The following TTLL5 variants were observed in gnomAD, a reference collection of about 807,000 sequenced individuals.
TTLL5 encodes tubulin polyglutamylase TTLL5.
Under a neutral mutation model 168.4 loss-of-function variants are expected in TTLL5, and 132 were observed. The ratio of observed to expected loss-of-function variants is 0.78; its 90% CI spans 0.68 to 0.91. TTLL5 has a LOEUF of 0.91. Among genes scored for constraint, TTLL5 ranks in the 40% least tolerant of loss-of-function variants. The probability of loss-of-function intolerance (pLI) is 0.00; values close to 1 mark genes in which losing one functional copy is unlikely to be tolerated. For missense variants in TTLL5, 1,545 were observed against 1,581.5 expected, an observed-to-expected ratio of 0.98 and a Z score of 0.39; for synonymous variants, 546 against 558.6, an observed-to-expected ratio of 0.98 and a Z score of 0.32.
chr14:75,839,767 T>G (rs1031689374), intron 28 of TTLL5, among the ~76,000 whole-genome samples: 3 of 152,256 alleles, frequency 2.0e-5, no homozygotes, highest in Non-Finnish European at 4.4e-5. Context: ...ATCACCATCC[T>G]AACGGGTGTG....
At chr14:75,712,501 C>CAAA (rs56076842) in intron 9 of TTLL5, 7 of 89,522 alleles carry the variant, frequency 7.8e-5, no homozygotes, top group African/African-American at 1.1e-4. Context: ...AACAGCAGGA[C>CAAA]AAAAAAAAAA....
At chr14:75,675,145 A>G (rs1566809747) in intron 3 of TTLL5, among the ~76,000 whole-genome samples, 1 of 152,360 alleles carries the variant, frequency 6.6e-6, no homozygotes, top group East Asian at 1.9e-4. Flanking sequence ...ATTTAAATTA[A>G]CTAAAGTTAA....
At chr14:75,783,036 T>A in intron 25 of TTLL5, 111 bp from the exon 26 acceptor site, 1 of 1,228,996 alleles carries the variant, frequency 8.1e-7, no homozygotes, top group Non-Finnish European at 1.1e-6. Flanking sequence ...TCATGATTTC[T>A]GTTTCATGCC....
intron 31 of TTLL5, among the ~76,000 whole-genome samples, chr14:75,925,148 C>A (rs1317789581): frequency 6.8e-6 from 1 of 148,000 alleles, no homozygotes; most frequent in East Asian, 2.1e-4. Flanking sequence ...CTGACCCCCC[C>A]ACCTCCCTCC....
At position 75,761,669 on chromosome 14, in the gene TTLL5, C is replaced by T. The variant is rs77106829; in HGVS notation, c.1551-2946C>T. Among the ~76,000 whole-genome samples, 1,446 of 152,226 alleles carry T rather than the reference C, an allele frequency of 9.5e-3. 27 individuals are homozygous for T. Among genetic ancestry groups the T allele is most frequent in the African/African-American group, 0.033 (1,378 of 41,532 alleles). Reference sequence around the variant, plus strand: ...ATGAAAAATTTACAACAGTGATTGCCTTTAGGACGTTAGGGAAGGATTGAC... The same window carrying T: ...ATGAAAAATTTACAACAGTGATTGCTTTTAGGACGTTAGGGAAGGATTGAC... On this transcript the variant is annotated intron_variant, in intron 18 of 31. Coordinates refer to ENST00000298832, the MANE Select transcript of TTLL5 (RefSeq NM_015072.5).
chr14:75,875,512 A>G (rs2031416504), intron 29 of TTLL5, among the ~76,000 whole-genome samples: 1 of 151,786 alleles, frequency 6.6e-6, no homozygotes, highest in African/African-American at 2.4e-5. Flanking sequence ...ACTGCACTCC[A>G]GCCTGGCAAC....
intron 26 of TTLL5, among the ~76,000 whole-genome samples, chr14:75,789,745 C>T (rs569721613): frequency 9.5e-4 from 145 of 152,250 alleles, no homozygotes; most frequent in Non-Finnish European, 1.5e-3. Flanking sequence ...AAATATACCA[C>T]GTACATGCAT....
intron 3 of TTLL5, among the ~76,000 whole-genome samples, chr14:75,671,697 A>G (rs1883764971): frequency 6.6e-6 from 1 of 152,190 alleles, no homozygotes; most frequent in African/African-American, 2.4e-5. Context: ...ATTCACTGCT[A>G]GTGTATAGAA....
At position 75,766,138 on chromosome 14, in the gene TTLL5, T is replaced by G; in HGVS notation, c.1785T>G (p.Asn595Lys). 6.2e-7 allele frequency: 1 copy of G among 1,614,054 alleles called. No individual in the cohort carries two copies. Among genetic ancestry groups the G allele is most frequent in the Non-Finnish European group, 8.5e-7 (1 of 1,179,982 alleles). ...SEEEEEVALD[N>K]EDEEQEASQE... The stretch of plus-strand genomic sequence containing the variant: ...AGGAGGAAGAAGTCGCATTAGATAA[T>G]GAAGATGAAGAACAGGAGGCTTCCC... Residue 595 changes from asparagine (N) to lysine (K), a missense_variant, in exon 20 of 32, where the codon AAT (asparagine) becomes AAG (lysine). Transcript: ENST00000298832.
chr14:75,923,263 G>A (rs2033893196), intron 31 of TTLL5, among the ~76,000 whole-genome samples: 1 of 152,074 alleles, frequency 6.6e-6, no homozygotes, highest in Admixed American at 6.5e-5. Flanking sequence ...TTTTGCATTT[G>A]TTTGCTTTTG....
chr14:75,756,779 A>AT (rs939338629), intron 18 of TTLL5, among the ~76,000 whole-genome samples: 8 of 152,210 alleles, frequency 5.3e-5, no homozygotes, highest in Non-Finnish European at 1.2e-4. Context: ...AAGTGCTAGA[A>AT]TTACAGGCAT....
intron 26 of TTLL5, among the ~76,000 whole-genome samples, chr14:75,791,105 C>CAATAAAAAAAAAAAAAAAAAAAA (rs1892685158): frequency 1.3e-5 from 1 of 77,276 alleles, no homozygotes; most frequent in African/African-American, 7.6e-5. Context: ...GACTCTGTCT[C>CAATAAAAAAAAAAAAAAAAAAAA]AAAAAAAAAA....
At chr14:75,854,856 T>A (rs1897050202) in intron 28 of TTLL5, among the ~76,000 whole-genome samples, 2 of 152,208 alleles carry the variant, frequency 1.3e-5, no homozygotes, top group South Asian at 4.1e-4. Context: ...TTGTTATTCA[T>A]ATCAACAGTT....
chr14:75,740,377 C>A (rs986231251), intron 15 of TTLL5, among the ~76,000 whole-genome samples: 1 of 152,130 alleles, frequency 6.6e-6, no homozygotes, highest in Non-Finnish European at 1.5e-5. Flanking sequence ...CAGGCAGTAA[C>A]CACCAGGAGC....
At chr14:75,725,359 A>G (rs1466116249) in intron 12 of TTLL5, among the ~76,000 whole-genome samples, 1 of 152,200 alleles carries the variant, frequency 6.6e-6, no homozygotes, top group Non-Finnish European at 1.5e-5. Context: ...GGTTTATCAT[A>G]TGCTCCTGTT....
intron 28 of TTLL5, among the ~76,000 whole-genome samples, chr14:75,845,855 A>G (rs1035107175): frequency 6.6e-6 from 1 of 152,192 alleles, no homozygotes; most frequent in Non-Finnish European, 1.5e-5. Context: ...TCTTTACACA[A>G]TGGCGTCCCA....
At chr14:75,707,171 C>T in intron 8 of TTLL5, 84 bp downstream of exon 8, 1 of 1,031,216 alleles carries the variant, frequency 9.7e-7, no homozygotes, top group Admixed American at 1.8e-5. Flanking sequence ...TCTAGTAAGT[C>T]TTTATTATAC....
chr14:75,721,180 T>TTTTCTC (rs528666377), intron 12 of TTLL5, among the ~76,000 whole-genome samples: 124 of 152,212 alleles, frequency 8.1e-4, no homozygotes, highest in Non-Finnish European at 1.4e-3. Context: ...TTCCACTTTC[T>TTTTCTC]TTTCTCTTTC....
chr14:75,692,571 G>A (rs181072917), intron 6 of TTLL5, among the ~76,000 whole-genome samples: 11 of 152,236 alleles, frequency 7.2e-5, no homozygotes, highest in African/African-American at 2.6e-4. Flanking sequence ...GAAATGAGTC[G>A]GTGGAAGCAG....
Sources: gnomAD v4.1 joint callset for allele counts (sites outside exome capture counted in the v4.1 genomes callset) on GRCh38, gnomAD v4.1.1 for gene constraint, MANE v1.5 for transcripts, NCBI Gene and HGNC (gene_info 2026-07-23, HGNC 2026-07-21) for gene names.